Variants in SEC14L5 observed in about 807,000 individuals in gnomAD.
The protein encoded by SEC14L5 is SEC14-like protein 5.
SEC14L5 carries 96 observed loss-of-function variants against 84.6 expected under a neutral mutation model. That is an observed-to-expected ratio of 1.13 (90% CI 0.96 to 1.34). The LOEUF is 1.34. Among genes scored for constraint, SEC14L5 ranks in the 40% most tolerant of loss-of-function variants. SEC14L5 has a pLI of 0.00. For synonymous variants in SEC14L5, 546 were observed against 383.4 expected (o/e 1.42, Z -4.95); for missense variants, 1,224 against 942.5 (o/e 1.30, Z -3.91).
At chr16:5,012,886 CTG>C (rs1376157890) in intron 15 of SEC14L5, among the ~76,000 whole-genome samples, 3 of 133,838 alleles carry the variant, frequency 2.2e-5, no homozygotes, top group African/African-American at 5.8e-5. Flanking sequence ...CAGAGCGAGA[CTG>C]TCTCAAAAAG....
At position 5,006,002 on chromosome 16, in the gene SEC14L5, A is replaced by G; in HGVS notation, c.1391A>G (p.Tyr464Cys). 6.2e-7 allele frequency: 1 copy of G among 1,613,880 alleles called. No homozygotes were observed. Among genetic ancestry groups the G allele is most frequent in the South Asian group, 1.1e-5 (1 of 91,074 alleles). The change falls in exon 12 of 16, where the codon TAT becomes TGT. Residue 464 changes from tyrosine to cysteine, a missense_variant. Coordinates refer to ENST00000251170, the MANE Select transcript of SEC14L5 (RefSeq NM_014692.2). The part of the protein sequence containing the change: ...NYQGPGGLVD[Y>C]LDREVIPDFL... ...CAGGGACCCGGAGGCCTTGTGGACT[A>G]TCTGGATAGAGAAGTGATCCCTGAC...
At chr16:4,965,278 G>C (rs754744490) in intron 2 of SEC14L5, among the ~76,000 whole-genome samples, 3 of 152,116 alleles carry the variant, frequency 2.0e-5, no homozygotes, top group Non-Finnish European at 4.4e-5. Context: ...GGATATTTAA[G>C]TTGTTTTCAG....
chr16:4,962,374 GA>G (rs1040933063), intron 2 of SEC14L5, among the ~76,000 whole-genome samples: 3 of 151,876 alleles, frequency 2.0e-5, no homozygotes, highest in African/African-American at 4.8e-5. Flanking sequence ...TGGGTAGAGT[GA>G]AAAAAAGGCT....
chr16:4,975,184 T>C (rs1263368577), intron 2 of SEC14L5, among the ~76,000 whole-genome samples: 2 of 152,094 alleles, frequency 1.3e-5, no homozygotes, highest in African/African-American at 4.8e-5. Context: ...TCCATCCAAG[T>C]TGCTGCAAAA....
chr16:4,970,665 C>G (rs1478250133), intron 2 of SEC14L5, among the ~76,000 whole-genome samples: 1 of 152,220 alleles, frequency 6.6e-6, no homozygotes, highest in African/African-American at 2.4e-5. Flanking sequence ...GAGTGAGACT[C>G]TGCAGTGGGT....
In SEC14L5 at chr16:5,000,886, G is replaced by A. The variant is rs776944562; in HGVS notation, c.1091G>A (p.Arg364Gln). Residue 364 changes from arginine (R) to glutamine (Q), a missense_variant, in exon 10 of 16, where the codon CGG becomes CAG. By Grantham distance (43) the Arg-to-Gln change is conservative (BLOSUM62 1). Transcript: ENST00000251170. The stretch of plus-strand genomic sequence containing the variant: ...TCCGTCAACGAGGAAGGACAGAAGC[G>A]GTGTGAGGGGAGCACAAGGCAGCTG... Reference protein sequence around the residue: ...VLSVNEEGQKRCEGSTRQLGR... With the variant: ...VLSVNEEGQKQCEGSTRQLGR... The A allele has an allele frequency of 2.3e-5, 37 of 1,608,908 alleles. No homozygotes were observed. Among genetic ancestry groups the A allele is most frequent in the Non-Finnish European group, 3.0e-5 (35 of 1,177,868 alleles).
chr16:5,005,780 C>T lies in SEC14L5; in HGVS notation c.1303-134C>T, dbSNP rs949832068. The T allele has an allele frequency of 5.5e-5, 45 of 813,626 alleles. No homozygotes were observed. In the Middle Eastern group the frequency reaches 1.1e-3, roughly 20 times the overall value. 50.4% of individuals were successfully genotyped at this position (813,626 alleles called of 1,614,324 possible). On this transcript the variant is annotated intron_variant, in intron 11 of 15. Transcript: ENST00000251170. ...TCGGGAGGCTGAGGCAGGAGGATGGCGTGAACCCGGGAGGTGGAGCTTGCA... is the reference window on the plus strand; with the variant it reads ...TCGGGAGGCTGAGGCAGGAGGATGGTGTGAACCCGGGAGGTGGAGCTTGCA...
At chr16:5,009,473 G>A (rs1161796646) in intron 14 of SEC14L5, among the ~76,000 whole-genome samples, 1 of 152,064 alleles carries the variant, frequency 6.6e-6, no homozygotes, top group African/African-American at 2.4e-5. Context: ...ACAGGTTCCC[G>A]CCACCATGTC....
chr16:4,974,314 G>A (rs960132858), intron 2 of SEC14L5, among the ~76,000 whole-genome samples: 4 of 151,802 alleles, frequency 2.6e-5, no homozygotes, highest in South Asian at 2.1e-4. Context: ...CCATCCTCCC[G>A]CCCCAGCCTC....
intron 13 of SEC14L5, among the ~76,000 whole-genome samples, chr16:5,007,907 C>CT (rs1191230078): frequency 0.25 from 27,699 of 110,040 alleles, 4,293 homozygotes; most frequent in Admixed American, 0.34. Flanking sequence ...CGCCTGGCCT[C>CT]TTTTTTTTTT....
chr16:4,971,487 C>CA (rs1018061658), intron 2 of SEC14L5, among the ~76,000 whole-genome samples: 13 of 152,114 alleles, frequency 8.5e-5, no homozygotes, highest in Admixed American at 5.9e-4. Context: ...CAACAACAAC[C>CA]AAAAAAACTG....
At chr16:5,003,660 C>A in intron 11 of SEC14L5, 87 bp downstream of exon 11, 1 of 890,492 alleles carries the variant, frequency 1.1e-6, no homozygotes, top group Non-Finnish European at 1.7e-6. Flanking sequence ...GCTCTCTTTT[C>A]CTGTTTCATT....
chr16:4,984,279 T>C (rs754660138), intron 2 of SEC14L5, among the ~76,000 whole-genome samples: 2 of 152,216 alleles, frequency 1.3e-5, no homozygotes, highest in Non-Finnish European at 2.9e-5. Flanking sequence ...TATAAAAGGA[T>C]TCATGCAATA....
At chr16:4,991,267 A>C (rs1166542483) in intron 5 of SEC14L5, among the ~76,000 whole-genome samples, 1 of 151,296 alleles carries the variant, frequency 6.6e-6, no homozygotes, top group African/African-American at 2.4e-5. Flanking sequence ...GAAACAGATG[A>C]AATTAACTTT....
intron 2 of SEC14L5, among the ~76,000 whole-genome samples, chr16:4,966,454 T>C (rs1955201645): frequency 6.6e-6 from 1 of 151,758 alleles, no homozygotes; most frequent in Non-Finnish European, 1.5e-5. Context: ...TTTGTATTTT[T>C]AGTAGAGACA....
At position 5,008,645 on chromosome 16, in the gene SEC14L5, C is replaced by T; in HGVS notation, c.1797C>T (p.Ile599=). ...TTGTCTGCCGGGAGGGGGAGAGCAT[C>T]CAGGTTTGCATTTTCTGGACCACTC... ...APLVCREGES[I]QGSHVTRWPG... The change falls in exon 14 of 16, where the codon ATC becomes ATT. Residue 599 remains isoleucine (I), a synonymous_variant. Coordinates refer to ENST00000251170, the MANE Select transcript of SEC14L5 (RefSeq NM_014692.2). The T allele has an allele frequency of 6.2e-7, 1 of 1,607,494 alleles. No individual in the cohort carries two copies. The highest frequency in any genetic ancestry group is 2.2e-5 in the East Asian group (1 of 44,860).
At chr16:4,968,733 C>T (rs1226869279) in intron 2 of SEC14L5, among the ~76,000 whole-genome samples, 1 of 152,194 alleles carries the variant, frequency 6.6e-6, no homozygotes, top group Non-Finnish European at 1.5e-5. Context: ...GCTCCAAAGC[C>T]CAGTAGCGTC....
intron 2 of SEC14L5, among the ~76,000 whole-genome samples, chr16:4,960,998 G>A (rs958440934): frequency 6.6e-6 from 1 of 152,168 alleles, no homozygotes; most frequent in Non-Finnish European, 1.5e-5. Flanking sequence ...TAAGCCGGGT[G>A]CAGTGGCTCA....
chr16:4,981,511 TGGTGTGGCC>T (rs1955423863), intron 2 of SEC14L5, among the ~76,000 whole-genome samples: 1 of 151,006 alleles, frequency 6.6e-6, no homozygotes, highest in Non-Finnish European at 1.5e-5. Context: ...AGGTCAGGGG[TGGTGTGGCC>T]GCTGCCTGGC....
Sources: allele counts gnomAD v4.1 joint callset (sites outside exome capture counted in the v4.1 genomes callset), GRCh38; gene constraint gnomAD v4.1.1; transcripts MANE v1.5; gene names NCBI Gene and HGNC (gene_info 2026-07-23, HGNC 2026-07-21).